Variants in LAMA1 observed in about 807,000 individuals in gnomAD.
LAMA1 encodes laminin subunit alpha 1, also known as laminin subunit alpha-1.
LAMA1 carries 219 observed loss-of-function variants against 348.7 expected under a neutral mutation model. The observed-to-expected ratio is 0.63, with a 90% CI of 0.56 to 0.70. The LOEUF (loss-of-function observed/expected upper bound fraction) is 0.70, where lower values mean the gene tolerates loss of function less well. LAMA1 is among the 30% of genes least tolerant of loss of function. The pLI is 0.00. For missense variants in LAMA1, 3,744 were observed against 3,888.0 expected, an observed-to-expected ratio of 0.96 and a Z score of 0.99; for synonymous variants, 1,487 against 1,491.0, an observed-to-expected ratio of 1.00 and a Z score of 0.06.
chr18:7,016,822 C>G, intron 20 of LAMA1, 151 bp from the exon 21 acceptor site: 1 of 755,216 alleles, frequency 1.3e-6, no homozygotes, highest in South Asian at 1.8e-5. Context: ...CAAACATCCA[C>G]TCTCTAGACA....
intron 51 of LAMA1, 29 bp from the exon 52 acceptor site, chr18:6,962,088 A>G: frequency 6.5e-7 from 1 of 1,547,578 alleles, no homozygotes; most frequent in Non-Finnish European, 8.9e-7. Flanking sequence ...GAACAATCAC[A>G]AAATTTGGGT....
In LAMA1 at chr18:6,986,108, T is replaced by C. The variant is rs1425887661; in HGVS notation, c.5379+29A>G. ...TGGAGTATTTTGTTACCTGTTCTAA[T>C]TGAGAAGGAGAGAGCAAGTGAGACT... is the stretch of plus-strand genomic sequence containing the variant. On this transcript the variant is annotated intron_variant, in intron 37 of 62. Transcript: ENST00000389658. 3.1e-6 allele frequency: 5 copies of C among 1,612,010 alleles called. No individual in the cohort carries two copies. The South Asian group carries it at 4.4e-5, about 14-fold the overall frequency.
chr18:7,046,440 C>A, intron 5 of LAMA1, 73 bp from the exon 6 acceptor site: 1 of 828,400 alleles, frequency 1.2e-6, no homozygotes, highest in Non-Finnish European at 2.1e-6. Context: ...GGCACACCAA[C>A]AAATATCTCA....
At chr18:7,088,473 GCTTT>G (rs1467291854) in intron 1 of LAMA1, among the ~76,000 whole-genome samples, 2 of 151,892 alleles carry the variant, frequency 1.3e-5, no homozygotes, top group South Asian at 2.1e-4. Flanking sequence ...AACATACTTG[GCTTT>G]CTTTCTAACT....
chr18:6,982,007 AG>A (rs1283753422), intron 41 of LAMA1, among the ~76,000 whole-genome samples: 1 of 152,192 alleles, frequency 6.6e-6, no homozygotes, highest in Non-Finnish European at 1.5e-5. Context: ...TAAACTGCAT[AG>A]GTATTTTTTG....
intron 18 of LAMA1, among the ~76,000 whole-genome samples, chr18:7,023,734 G>T (rs658209): frequency 6.7e-4 from 101 of 151,822 alleles, no homozygotes; most frequent in African/African-American, 1.1e-3. Flanking sequence ...GCCAGAAGAC[G>T]GCTACTAAAG....
At chr18:7,023,094 ATG>A in intron 19 of LAMA1, 68 bp downstream of exon 19, 2 of 1,510,356 alleles carry the variant, frequency 1.3e-6, no homozygotes, top group Non-Finnish European at 1.8e-6. Flanking sequence ...TGTGTGACAC[ATG>A]TGACTATACG....
intron 3 of LAMA1, chr18:7,079,736 A>G (rs2058185172): frequency 1.9e-6 from 1 of 538,822 alleles, no homozygotes; most frequent in South Asian, 2.0e-5. Flanking sequence ...CACAGCTTCG[A>G]AGAACATCAA....
At position 7,044,801 on chromosome 18, in the gene LAMA1, C is replaced by G. The variant is rs2058035321; in HGVS notation, c.897G>C (p.Glu299Asp). The change falls in exon 7 of 63, where the codon GAG becomes GAC. Residue 299 changes from glutamate to aspartate, a missense_variant. Glu to Asp is a conservative substitution (Grantham distance 45). This residue lies in a region of LAMA1 where 1,529 missense variants were observed against 1,689.4 expected (regional missense o/e 0.91). Coordinates refer to ENST00000389658, the MANE Select transcript of LAMA1 (RefSeq NM_005559.4). ...QCQCEHNTCGESCNRCCPGYH... is the reference protein window; with the variant it reads ...QCQCEHNTCGDSCNRCCPGYH... ...ACCCAGGACAGCACCTGTTACAGCT[C>G]TCCCCGCAAGTATTATGCTCACATT... 1.2e-6 allele frequency: 2 copies of G among 1,614,194 alleles called. No homozygotes were observed. Among genetic ancestry groups the G allele is most frequent in the Non-Finnish European group, 1.7e-6 (2 of 1,180,042 alleles).
At chr18:7,051,226 T>G (rs2058061361) in intron 3 of LAMA1, among the ~76,000 whole-genome samples, 1 of 152,010 alleles carries the variant, frequency 6.6e-6, no homozygotes, top group Non-Finnish European at 1.5e-5. Flanking sequence ...AGATCTTAAG[T>G]ATGCTCATCA....
chr18:7,083,194 T>A (rs944187819), intron 1 of LAMA1, among the ~76,000 whole-genome samples: 1 of 31,516 alleles, frequency 3.2e-5, no homozygotes, highest in Non-Finnish European at 5.6e-5. Context: ...TATATATACA[T>A]TTTTTTTTTT....
rs1555651821 is a variant in LAMA1, at chr18:7,007,947, T to TTATTTATTTATC, written c.4122+540_4122+541insGATAAATAAATA. 6.1e-3 allele frequency among the ~76,000 whole-genome samples: 933 copies of TTATTTATTTATC among 151,712 alleles called. 8 individuals carry two copies. Among genetic ancestry groups the TTATTTATTTATC allele is most frequent in the African/African-American group, 0.02 (823 of 41,302 alleles). On this transcript the variant is annotated intron_variant, in intron 28 of 62. Transcript: ENST00000389658. ...TTTATTTATTTATTTATTTATTTAT[T>TTATTTATTTATC]TTTGAGACGGAGTATCTCTCTGTCA...
In LAMA1 at chr18:7,077,874, A is replaced by C. The variant is rs1240216476; in HGVS notation, c.345+2101T>G. ...GCTGGACGTGGTGCTCATGCCTCTA[A>C]TCCCGGCACTTTGGGAAGCCGAGGC... On this transcript the variant is annotated intron_variant, in intron 3 of 62. Coordinates refer to ENST00000389658, the MANE Select transcript of LAMA1 (RefSeq NM_005559.4). Among the ~76,000 whole-genome samples, 4 of 151,772 alleles carry C rather than the reference A, an allele frequency of 2.6e-5. No individual in the cohort carries two copies. The East Asian group carries it at 7.9e-4, about 30-fold the overall frequency.
intron 16 of LAMA1, among the ~76,000 whole-genome samples, chr18:7,030,573 G>A (rs370216863): frequency 3.9e-5 from 6 of 152,240 alleles, no homozygotes; most frequent in African/African-American, 1.4e-4. Context: ...GATGCTGGGG[G>A]AAGGTTACTT....
At chr18:6,959,640 A>C (rs2057598040) in intron 53 of LAMA1, 148 bp from the exon 54 acceptor site, 1 of 791,762 alleles carries the variant, frequency 1.3e-6, no homozygotes. Context: ...ACAATGTTAC[A>C]TTTTGTATGT....
chr18:7,027,803 CGTG>C (rs1302855165), intron 16 of LAMA1, among the ~76,000 whole-genome samples: 1 of 151,976 alleles, frequency 6.6e-6, no homozygotes, highest in African/African-American at 2.4e-5. Flanking sequence ...ATTAGCCGGG[CGTG>C]GTGGTGTGCA....
intron 3 of LAMA1, among the ~76,000 whole-genome samples, chr18:7,072,578 T>C (rs978846358): frequency 6.6e-6 from 1 of 152,234 alleles, no homozygotes; most frequent in African/African-American, 2.4e-5. Flanking sequence ...CAGCAGTCCA[T>C]GATTTCTCCA....
At chr18:7,112,851 T>C (rs2058341290) in intron 1 of LAMA1, among the ~76,000 whole-genome samples, 1 of 152,080 alleles carries the variant, frequency 6.6e-6, no homozygotes. Flanking sequence ...GTCAGTCTGG[T>C]CTTGAACTCC....
At chr18:7,075,232 T>C (rs953733023) in intron 3 of LAMA1, among the ~76,000 whole-genome samples, 4 of 152,186 alleles carry the variant, frequency 2.6e-5, no homozygotes, top group Admixed American at 2.6e-4. Context: ...ATTTTTATAG[T>C]ACTGAAACAA....
Sources: gnomAD v4.1 joint callset for allele counts (sites outside exome capture counted in the v4.1 genomes callset) on GRCh38, gnomAD v4.1.1 for gene constraint, gnomAD v4.1.1 regional missense constraint, MANE v1.5 for transcripts, NCBI Gene and HGNC (gene_info 2026-07-23, HGNC 2026-07-21) for gene names.